TET1: variants seen among roughly 807,000 people sequenced by gnomAD.
TET1 encodes the protein methylcytosine dioxygenase TET1.
TET1 carries 13 observed loss-of-function variants against 148.7 expected under a neutral mutation model. The ratio of observed to expected loss-of-function variants is 0.09; its 90% CI spans 0.06 to 0.14. TET1 has a LOEUF of 0.14. Ranked by LOEUF, TET1 falls within the 10% of genes least tolerant of loss-of-function variation. TET1 has a pLI of 1.00. For missense variants in TET1, 2,182 were observed against 2,553.8 expected (o/e 0.85, Z 3.14); for synonymous variants, 907 against 937.2 (o/e 0.97, Z 0.59).
chr10:68,636,802 A>G (rs539814171), intron 3 of TET1, among the ~76,000 whole-genome samples: 3 of 152,268 alleles, frequency 2.0e-5, no homozygotes, highest in Admixed American at 2.0e-4. Flanking sequence ...AGGGTCACAC[A>G]GTTTCTCAGA....
intron 1 of TET1, among the ~76,000 whole-genome samples, chr10:68,568,421 C>T (rs148892261): frequency 0.01 from 1,562 of 151,978 alleles, 35 homozygotes; most frequent in African/African-American, 0.036. Context: ...CAGGGTTTCA[C>T]CATGTTGGCC....
chr10:68,669,252 C>A (rs200821401), intron 7 of TET1, among the ~76,000 whole-genome samples: 1 of 149,256 alleles, frequency 6.7e-6, no homozygotes, highest in Non-Finnish European at 1.5e-5. Flanking sequence ...CCACCCCCCA[C>A]AAAAAAAAAA....
At chr10:68,570,150 G>A (rs964832944) in intron 1 of TET1, among the ~76,000 whole-genome samples, 3 of 151,740 alleles carry the variant, frequency 2.0e-5, no homozygotes, top group Admixed American at 2.0e-4. Context: ...TGTCACCCAG[G>A]CTGGAGTGCC....
intron 3 of TET1, among the ~76,000 whole-genome samples, chr10:68,613,944 A>G (rs1365549446): frequency 2.0e-5 from 3 of 152,196 alleles, no homozygotes; most frequent in Non-Finnish European, 4.4e-5. Context: ...GTCTCAAAAA[A>G]AAAAAAAAAA....
chr10:68,630,677 C>T (rs137920482), intron 3 of TET1, among the ~76,000 whole-genome samples: 1,589 of 152,188 alleles, frequency 0.01, 17 homozygotes, highest in Middle Eastern at 0.037. Flanking sequence ...GTTTGGAATT[C>T]AGGAGAAAGA....
At chr10:68,643,231 C>T (rs1468028378) in intron 3 of TET1, among the ~76,000 whole-genome samples, 1 of 130,660 alleles carries the variant, frequency 7.7e-6, no homozygotes. Flanking sequence ...CACTGCACTC[C>T]AGCCTGGGTG....
chr10:68,585,805 T>G (rs1427288667), intron 2 of TET1, among the ~76,000 whole-genome samples: 1 of 151,654 alleles, frequency 6.6e-6, no homozygotes, highest in South Asian at 2.1e-4. Flanking sequence ...GTCAAGAGAT[T>G]GAGACCATCC....
chr10:68,661,818 A>AC (rs1554809964), intron 6 of TET1, among the ~76,000 whole-genome samples: 6 of 150,556 alleles, frequency 4.0e-5, no homozygotes, highest in Non-Finnish European at 5.9e-5. Context: ...TTGTTAAAAA[A>AC]ACACACACAC....
chr10:68,629,314 G>A (rs1377320042), intron 3 of TET1, among the ~76,000 whole-genome samples: 3 of 151,858 alleles, frequency 2.0e-5, no homozygotes, highest in South Asian at 2.1e-4. Context: ...GCAGTGAGCC[G>A]AGATTGTGCC....
intron 3 of TET1, among the ~76,000 whole-genome samples, chr10:68,602,916 A>G (rs1434356504): frequency 6.6e-6 from 1 of 152,242 alleles, no homozygotes; most frequent in Non-Finnish European, 1.5e-5. Flanking sequence ...TCTGCTTCAC[A>G]GTAGAAATGC....
intron 3 of TET1, among the ~76,000 whole-genome samples, chr10:68,615,356 C>CTTTTCTTTTTTTTTTT (rs138957422): frequency 6.9e-6 from 1 of 145,280 alleles, no homozygotes; most frequent in African/African-American, 2.5e-5. Flanking sequence ...CTTTTCTTTT[C>CTTTTCTTTTTTTTTTT]TTTTTTTGAG....
In TET1 at chr10:68,645,621, A is replaced by C. The variant is rs1242746316; in HGVS notation, c.2892A>C (p.Ser964=). 23 of 1,614,090 alleles carry C rather than the reference A, an allele frequency of 1.4e-5. No homozygotes were observed. Among genetic ancestry groups the C allele is most frequent in the Non-Finnish European group, 1.8e-5 (21 of 1,180,046 alleles). ...NHCPSLEKQS[S]CNTVVFNGQT... ...GTCCATCTTTGGAAAAACAAAGTTC[A>C]TGCAACACGGTGGTTTTCAATGGGC... The change falls in exon 4 of 12, where the codon TCA becomes TCC. Residue 964 remains serine, a synonymous_variant. Transcript: ENST00000373644.
At chr10:68,629,761 C>T (rs917521405) in intron 3 of TET1, among the ~76,000 whole-genome samples, 40 of 152,072 alleles carry the variant, frequency 2.6e-4, no homozygotes, top group Non-Finnish European at 5.4e-4. Flanking sequence ...TGGTCTCGAT[C>T]TCCTGATCTT....
chr10:68,624,664 C>CTTTCTTTGTT (rs1564975145), intron 3 of TET1, among the ~76,000 whole-genome samples: 1 of 87,260 alleles, frequency 1.1e-5, no homozygotes, highest in Non-Finnish European at 2.4e-5. Flanking sequence ...TTCTTTCTCT[C>CTTTCTTTGTT]TCTCTCTCTC....
intron 2 of TET1, among the ~76,000 whole-genome samples, chr10:68,584,784 G>C (rs183201390): frequency 1.7e-4 from 26 of 151,780 alleles, no homozygotes; most frequent in Non-Finnish European, 3.7e-4. Context: ...ATAGCAGCTA[G>C]TACCCCAAAA....
intron 2 of TET1, among the ~76,000 whole-genome samples, chr10:68,598,936 C>T (rs1401592416): frequency 2.0e-5 from 3 of 152,090 alleles, no homozygotes; most frequent in African/African-American, 7.2e-5. Flanking sequence ...ATCTTCCTGC[C>T]TCGGCCTCCC....
intron 11 of TET1, among the ~76,000 whole-genome samples, chr10:68,689,870 TAAC>T (rs2055566862): frequency 1.3e-5 from 2 of 151,926 alleles, no homozygotes; most frequent in African/African-American, 4.8e-5. Flanking sequence ...TCAGAGCAAA[TAAC>T]CCACAGTTGA....
chr10:68,658,064 C>T (rs1439629791), intron 6 of TET1, among the ~76,000 whole-genome samples: 2 of 152,036 alleles, frequency 1.3e-5, no homozygotes, highest in African/African-American at 4.8e-5. Context: ...GGATAGTGTA[C>T]CTTTTTTGTG....
chr10:68,624,532 G>T (rs2054424856), intron 3 of TET1, among the ~76,000 whole-genome samples: 1 of 150,404 alleles, frequency 6.6e-6, no homozygotes, highest in Non-Finnish European at 1.5e-5. Context: ...CAGGTGATCT[G>T]CCCACCTCAG....
Sources: gnomAD v4.1 joint callset for allele counts (sites outside exome capture counted in the v4.1 genomes callset) on GRCh38, gnomAD v4.1.1 for gene constraint, MANE v1.5 for transcripts, NCBI Gene and HGNC (gene_info 2026-07-23, HGNC 2026-07-21) for gene names.